The following GTF2I variants were observed in gnomAD, a reference collection of about 807,000 sequenced individuals.
The protein encoded by GTF2I is general transcription factor IIi.
GTF2I carries 12 observed loss-of-function variants against 67.6 expected under a neutral mutation model. The observed-to-expected ratio is 0.18, with a 90% CI of 0.11 to 0.29. The LOEUF is 0.29. Among genes scored for constraint, GTF2I ranks in the 10% least tolerant of loss-of-function variants. GTF2I has a pLI of 1.00. For synonymous variants in GTF2I, 149 were observed against 197.0 expected (o/e 0.76, Z 2.04); for missense variants, 271 against 580.1 (o/e 0.47, Z 5.47).
intron 12 of GTF2I, chr7:74,728,008 T>C (rs1554406046): frequency 2.0e-5 from 3 of 152,220 alleles, no homozygotes; most frequent in Admixed American, 6.6e-5. Context: ...TTGTTAAAAG[T>C]ATTTGAACAG....
intron 1 of GTF2I, among the ~76,000 whole-genome samples, chr7:74,686,409 C>T (rs1347071463): frequency 2.0e-5 from 3 of 152,118 alleles, no homozygotes; most frequent in Non-Finnish European, 4.4e-5. Context: ...CAGCAGTAGG[C>T]AGAAAATTGC....
intron 1 of GTF2I, among the ~76,000 whole-genome samples, chr7:74,669,231 T>G (rs1029314386): frequency 1.4e-5 from 2 of 143,412 alleles, no homozygotes; most frequent in South Asian, 2.3e-4. Context: ...TTAGTTTTTT[T>G]TTTTTTTTTT....
At chr7:74,703,828 T>C (rs1370681371) in intron 6 of GTF2I, among the ~76,000 whole-genome samples, 1 of 152,262 alleles carries the variant, frequency 6.6e-6, no homozygotes, top group African/African-American at 2.4e-5. Context: ...TTTTTGTATA[T>C]TATACAAGGT....
In GTF2I at chr7:74,674,152, G is replaced by A. The variant is rs1278501880; in HGVS notation, c.-5-14972G>A. 2.7e-5 allele frequency among the ~76,000 whole-genome samples: 4 copies of A among 147,972 alleles called. 1 individual carries two copies. In the South Asian group the frequency reaches 6.4e-4, roughly 24 times the overall value. ...TGGTGTGGTCATAGGTCACTGCAGC[G>A]TCGAACTCCTAGGCTCAAGTGATCC... On this transcript the variant is annotated intron_variant, in intron 1 of 34. Transcript: ENST00000573035.
chr7:74,690,068 T>C (rs587636822), intron 2 of GTF2I, among the ~76,000 whole-genome samples: 13 of 152,154 alleles, frequency 8.5e-5, no homozygotes, highest in African/African-American at 3.1e-4. Context: ...ACAAAAAAAT[T>C]AGCCAGCGTG....
chr7:74,684,437 C>T (rs1432964781), intron 1 of GTF2I, among the ~76,000 whole-genome samples: 1 of 152,156 alleles, frequency 6.6e-6, no homozygotes, highest in Non-Finnish European at 1.5e-5. Context: ...CCTAAGCTGG[C>T]GTCACCTGCC....
chr7:74,705,911 C>T (rs1790606588), intron 7 of GTF2I, among the ~76,000 whole-genome samples: 1 of 151,576 alleles, frequency 6.6e-6, no homozygotes, highest in Admixed American at 6.6e-5. Flanking sequence ...GTACTTTTTT[C>T]CCCAAAAGAT....
intron 12 of GTF2I, chr7:74,727,387 A>G (rs1793987696): frequency 6.6e-6 from 1 of 152,178 alleles, no homozygotes; most frequent in Non-Finnish European, 1.5e-5. Flanking sequence ...ATTAGGCCAA[A>G]TTTGCATTTC....
intron 4 of GTF2I, 147 bp from the exon 5 acceptor site, chr7:74,700,100 A>G (rs1178016297): frequency 2.6e-6 from 2 of 776,660 alleles, no homozygotes; most frequent in Non-Finnish European, 4.1e-6. Context: ...TGACATGGGG[A>G]GATAGAATGC....
intron 7 of GTF2I, among the ~76,000 whole-genome samples, chr7:74,705,960 T>C (rs2131371163): frequency 2.0e-5 from 3 of 152,108 alleles, no homozygotes; most frequent in Non-Finnish European, 4.4e-5. Context: ...TGATAACTCT[T>C]TTTTTTTGTG....
intron 1 of GTF2I, among the ~76,000 whole-genome samples, chr7:74,678,153 C>T (rs1806072879): frequency 6.6e-6 from 1 of 151,512 alleles, no homozygotes; most frequent in Admixed American, 6.6e-5. Flanking sequence ...CTCCTGGGCT[C>T]AAGCCATCCT....
chr7:74,703,470 C>T (rs1288710115), intron 6 of GTF2I, among the ~76,000 whole-genome samples: 4 of 152,144 alleles, frequency 2.6e-5, no homozygotes, highest in Non-Finnish European at 4.4e-5. Flanking sequence ...ACCTCTGCCT[C>T]CCGGGTTCAA....
chr7:74,679,083 T>A (rs982010408), intron 1 of GTF2I, among the ~76,000 whole-genome samples: 8 of 150,624 alleles, frequency 5.3e-5, no homozygotes, highest in Non-Finnish European at 8.9e-5. Context: ...TTTTTAAAAA[T>A]TTTTTAATTT....
intron 12 of GTF2I, among the ~76,000 whole-genome samples, chr7:74,725,518 TC>T (rs1262822174): frequency 1.0e-4 from 13 of 129,432 alleles, no homozygotes; most frequent in African/African-American, 3.9e-4. Flanking sequence ...GGGACCCCTA[TC>T]TCTACAAAAG....
At position 74,691,044 on chromosome 7, in the gene GTF2I, C is replaced by G; in HGVS notation, c.171C>G (p.Val57=). Residue 57 remains valine (V), a synonymous_variant, in exon 3 of 35, where the codon GTC becomes GTG. Coordinates refer to ENST00000573035, the MANE Select transcript of GTF2I (RefSeq NM_032999.4). ...TGTATGAAACAGACGTGTTTGTCGT[C>G]GGAACTGAAAGAGGACGTGCTTTTG... ...IAVYETDVFV[V]GTERGRAFVN... The G allele has an allele frequency of 6.2e-7, 1 of 1,612,848 alleles. No homozygotes were observed. Among genetic ancestry groups the G allele is most frequent in the Non-Finnish European group, 8.5e-7 (1 of 1,179,246 alleles).
intron 6 of GTF2I, among the ~76,000 whole-genome samples, chr7:74,704,926 A>G (rs1394715025): frequency 6.7e-6 from 1 of 149,098 alleles, no homozygotes; most frequent in Non-Finnish European, 1.5e-5. Flanking sequence ...CATATTCTCC[A>G]TATTCCATCT....
chr7:74,724,626 A>G (rs1422604258), intron 12 of GTF2I, among the ~76,000 whole-genome samples: 2 of 152,212 alleles, frequency 1.3e-5, no homozygotes, highest in Non-Finnish European at 2.9e-5. Context: ...CACCTTTTGC[A>G]TATTAAAATA....
intron 6 of GTF2I, 91 bp from the exon 7 acceptor site, chr7:74,705,073 T>C (rs1186378241): frequency 8.7e-6 from 7 of 802,806 alleles, no homozygotes; most frequent in Non-Finnish European, 1.3e-5. Flanking sequence ...AAAGCCTAGT[T>C]CTACCCCACT....
chr7:74,716,750 T>C (rs1479407031), intron 10 of GTF2I, 144 bp from the exon 11 acceptor site: 2 of 562,348 alleles, frequency 3.6e-6, no homozygotes, highest in Non-Finnish European at 6.3e-6. Flanking sequence ...GAAAACATTG[T>C]TCGACTTAAC....
Sources: allele counts gnomAD v4.1 joint callset (sites outside exome capture counted in the v4.1 genomes callset), GRCh38; gene constraint gnomAD v4.1.1; transcripts MANE v1.5; gene names NCBI Gene and HGNC (gene_info 2026-07-23, HGNC 2026-07-21).